Variants in PHTF2 observed in about 807,000 individuals in gnomAD.
The protein encoded by PHTF2 is putative homeodomain transcription factor 2, also known as protein PHTF2.
In PHTF2, 60 loss-of-function variants were observed where a neutral mutation model predicts 101.2. The ratio of observed to expected loss-of-function variants is 0.59; its 90% confidence interval spans 0.48 to 0.73. The LOEUF (loss-of-function observed/expected upper bound fraction) is 0.73. PHTF2 is among the 30% of genes least tolerant of loss of function. PHTF2 has a pLI of 0.00. For missense variants in PHTF2, 747 were observed against 908.7 expected (o/e 0.82, Z 2.29); for synonymous variants, 311 against 307.3 (o/e 1.01, Z -0.13).
chr7:77,848,327 G>C (rs938949733), intron 2 of PHTF2, among the ~76,000 whole-genome samples: 1 of 152,076 alleles, frequency 6.6e-6, no homozygotes, highest in African/African-American at 2.4e-5. Context: ...TCCTGTCAAC[G>C]ATGTACAGGG....
exon 20 of PHTF2, chr7:77,955,013 T>G: frequency 4.8e-6 from 2 of 416,630 alleles, no homozygotes; most frequent in East Asian, 7.5e-5. Context: ...GACTGTCTTG[T>G]GCAATTCTTA....
At chr7:77,854,936 A>G (rs1305146052) in intron 3 of PHTF2, 2 of 626,628 alleles carry the variant, frequency 3.2e-6, no homozygotes, top group East Asian at 2.8e-5. Flanking sequence ...CCTGGAATCA[A>G]GGAACCCAGG....
Position 77,937,701 on chromosome 7 carries a change from T to C in PHTF2, c.1339-9T>C. 1 of 1,246,354 alleles carries C rather than the reference T, an allele frequency of 8.0e-7. No individual in the cohort carries two copies. The highest frequency in any genetic ancestry group is 1.1e-6 in the Non-Finnish European group (1 of 939,824). The allele number at this position is 1,246,354 out of a possible 1,614,324, so 77.2% of individuals were successfully genotyped here. A position where few individuals can be genotyped will look rare whatever the true frequency, so the allele number is the denominator to read the frequency against. On this transcript the variant is annotated splice_polypyrimidine_tract_variant and intron_variant, in intron 12 of 19. Transcript: ENST00000416283. ...TCTATATATTTACTAATTTTTTTTT[T>C]TTTTATAGAGTCATTTGCCCTGGCT...
intron 2 of PHTF2, among the ~76,000 whole-genome samples, chr7:77,851,271 T>G (rs1796738857): frequency 6.6e-6 from 1 of 152,182 alleles, no homozygotes; most frequent in Non-Finnish European, 1.5e-5. Flanking sequence ...TTATTACAGC[T>G]TTGATCTCAT....
intron 1 of PHTF2, among the ~76,000 whole-genome samples, chr7:77,808,057 A>G (rs1793133291): frequency 6.6e-6 from 1 of 152,122 alleles, no homozygotes; most frequent in Non-Finnish European, 1.5e-5. Context: ...TTATCTTTAT[A>G]CCAATATCAC....
At chr7:77,936,839 A>G (rs192255016) in intron 12 of PHTF2, among the ~76,000 whole-genome samples, 87 of 151,752 alleles carry the variant, frequency 5.7e-4, no homozygotes, top group Non-Finnish European at 9.9e-4. Context: ...TGTTGCCATC[A>G]TTAACTCAAC....
chr7:77,807,115 G>A (rs2150474560), intron 1 of PHTF2, among the ~76,000 whole-genome samples: 1 of 152,220 alleles, frequency 6.6e-6, no homozygotes, highest in African/African-American at 2.4e-5. Context: ...TCATATGTAT[G>A]TACTGTTTTG....
At chr7:77,882,725 A>T (rs1291732930) in intron 3 of PHTF2, among the ~76,000 whole-genome samples, 3 of 152,156 alleles carry the variant, frequency 2.0e-5, no homozygotes, top group Non-Finnish European at 2.9e-5. Context: ...GATTCAGAAA[A>T]GTTAGAGATT....
At chr7:77,852,354 G>C (rs1024634455) in intron 2 of PHTF2, among the ~76,000 whole-genome samples, 4 of 152,222 alleles carry the variant, frequency 2.6e-5, no homozygotes, top group African/African-American at 7.2e-5. Flanking sequence ...TAGATTTCTT[G>C]CTTTTTATTT....
At chr7:77,913,717 G>T (rs545671058) in intron 9 of PHTF2, among the ~76,000 whole-genome samples, 1 of 152,248 alleles carries the variant, frequency 6.6e-6, no homozygotes, top group Non-Finnish European at 1.5e-5. Context: ...CCAAAGTGTT[G>T]AGATTACAGG....
intron 9 of PHTF2, among the ~76,000 whole-genome samples, chr7:77,918,435 T>C (rs1047174941): frequency 2.0e-5 from 3 of 152,170 alleles, no homozygotes; most frequent in African/African-American, 4.8e-5. Context: ...TTCACCTAAT[T>C]TATCCCCCTT....
At chr7:77,918,778 T>C (rs1360153945) in intron 9 of PHTF2, among the ~76,000 whole-genome samples, 2 of 152,228 alleles carry the variant, frequency 1.3e-5, no homozygotes, top group East Asian at 3.8e-4. Context: ...TGGCTTATTG[T>C]TCCCTTGGTC....
At chr7:77,814,763 G>A (rs975757513) in intron 1 of PHTF2, among the ~76,000 whole-genome samples, 1 of 152,026 alleles carries the variant, frequency 6.6e-6, no homozygotes, top group East Asian at 1.9e-4. Flanking sequence ...ACCGCGCCCG[G>A]TCTGGGGGGG....
At chr7:77,941,585 G>GA (rs1805643541) in intron 15 of PHTF2, among the ~76,000 whole-genome samples, 1 of 152,152 alleles carries the variant, frequency 6.6e-6, no homozygotes, top group African/African-American at 2.4e-5. Flanking sequence ...TTCAGTGAGG[G>GA]AATGTAAGCC....
intron 3 of PHTF2, among the ~76,000 whole-genome samples, chr7:77,891,455 A>AG (rs1800399972): frequency 6.6e-6 from 1 of 152,128 alleles, no homozygotes; most frequent in Non-Finnish European, 1.5e-5. Context: ...GTTTACCTAG[A>AG]GTTTCTTAAT....
At chr7:77,841,691 T>G (rs1426010970) in intron 2 of PHTF2, among the ~76,000 whole-genome samples, 1 of 152,196 alleles carries the variant, frequency 6.6e-6, no homozygotes, top group African/African-American at 2.4e-5. Flanking sequence ...TATGAGGTAC[T>G]TTATTGGAAG....
chr7:77,819,976 G>A (rs531024981), intron 1 of PHTF2, among the ~76,000 whole-genome samples: 3 of 152,016 alleles, frequency 2.0e-5, no homozygotes, highest in East Asian at 3.9e-4. Context: ...TGCAACTTCC[G>A]CCTCCCAGGT....
intron 5 of PHTF2, among the ~76,000 whole-genome samples, chr7:77,896,305 C>G (rs559152187): frequency 6.6e-6 from 1 of 152,218 alleles, no homozygotes; most frequent in East Asian, 1.9e-4. Flanking sequence ...ACCTGAAATC[C>G]CAACACTTTA....
At chr7:77,953,513 T>C (rs1806731174) in intron 18 of PHTF2, among the ~76,000 whole-genome samples, 3 of 152,194 alleles carry the variant, frequency 2.0e-5, no homozygotes, top group African/African-American at 4.8e-5. Context: ...CTCTTTATAA[T>C]AGCTTAAGGG....
Sources: allele counts gnomAD v4.1 joint callset (sites outside exome capture counted in the v4.1 genomes callset), GRCh38; gene constraint gnomAD v4.1.1; transcripts MANE v1.5; gene names NCBI Gene and HGNC (gene_info 2026-07-23, HGNC 2026-07-21).